TMEM235: variants seen among roughly 807,000 people sequenced by gnomAD.
The protein encoded by TMEM235 is claudin-27.
A neutral mutation model predicts 22.9 loss-of-function variants in TMEM235; 23 were observed. The ratio of observed to expected loss-of-function variants is 1.00; its 90% CI spans 0.72 to 1.42. The LOEUF (loss-of-function observed/expected upper bound fraction) is 1.42. TMEM235 is among the 40% of genes most tolerant of loss of function. The pLI, the probability that TMEM235 is intolerant of heterozygous loss-of-function variation, is 0.00. For synonymous variants in TMEM235, 137 were observed against 140.5 expected (o/e 0.98, Z 0.17); for missense variants, 308 against 299.5 (o/e 1.03, Z -0.21).
chr17:78,239,920 G>A, exon 6 of TMEM235: 1 of 1,551,090 alleles, frequency 6.4e-7, no homozygotes, highest in South Asian at 1.2e-5. Flanking sequence ...AGAAGAGGCT[G>A]ATGAGAGGGC....
At chr17:78,232,004 C>G in exon 2 of TMEM235, 4 of 1,255,836 alleles carry the variant, frequency 3.2e-6, no homozygotes, top group Non-Finnish European at 4.0e-6. Flanking sequence ...CCGACCCGTC[C>G]CCTCCCGCCG....
At chr17:78,236,025 C>T (rs976674778) in intron 4 of TMEM235, among the ~76,000 whole-genome samples, 7 of 152,226 alleles carry the variant, frequency 4.6e-5, no homozygotes, top group African/African-American at 1.7e-4. Flanking sequence ...TCATCTCCCA[C>T]CAGGCGCCCC....
chr17:78,239,065 T>C (rs992265541), exon 5 of TMEM235: 12 of 1,544,292 alleles, frequency 7.8e-6, no homozygotes, highest in East Asian at 2.4e-5. Context: ...CATCAGCTAC[T>C]CGCACCTGGC....
chr17:78,233,682 C>T (rs558787261), intron 2 of TMEM235, among the ~76,000 whole-genome samples: 1 of 147,208 alleles, frequency 6.8e-6, no homozygotes, highest in Admixed American at 6.9e-5. Context: ...GGTGACAGAG[C>T]GAGACTCCAT....
At position 78,237,068 on chromosome 17, in the gene TMEM235, C is replaced by T. The variant is rs112483855; in HGVS notation, c.410-1956C>T. Among the ~76,000 whole-genome samples, 13,088 of 152,226 alleles carry T rather than the reference C, an allele frequency of 0.086. 821 individuals are homozygous for T. Among genetic ancestry groups the T allele is most frequent in the Middle Eastern group, 0.2 (58 of 294 alleles). On this transcript the variant is annotated intron_variant, in intron 4 of 5. Transcript: ENST00000421688. The surrounding 1 kb of genome is among the most constrained non-coding windows in gnomAD (Gnocchi z 4.7). Reference sequence around the variant, plus strand: ...TCTGCATTGTGCCTGGGAGCGAAGGCACCGGCTAGGGGGTGGAGGGGCCGG... The same window carrying T: ...TCTGCATTGTGCCTGGGAGCGAAGGTACCGGCTAGGGGGTGGAGGGGCCGG...
chr17:78,234,164 T>A (rs911160931), intron 3 of TMEM235, 189 bp downstream of exon 2: 2 of 704,620 alleles, frequency 2.8e-6, no homozygotes, highest in African/African-American at 3.5e-5. Flanking sequence ...TCCCAGCCTA[T>A]CCTGTTTTCC....
At position 78,231,619 on chromosome 17, in the gene TMEM235, C is replaced by T; in HGVS notation, c.-405C>T. 7.7e-7 allele frequency: 1 copy of T among 1,303,844 alleles called. No individual in the cohort carries two copies. Among genetic ancestry groups the T allele is most frequent in the South Asian group, 1.2e-5 (1 of 80,888 alleles). The allele number at this position is 1,303,844 out of a possible 1,614,324, so 80.8% of individuals were successfully genotyped here. A position where few individuals can be genotyped will look rare whatever the true frequency, so the allele number is the denominator to read the frequency against. ...TGGGGTCGGTCTCTGGCCGATCCTC[C>T]CTCCTCCTCTCAAGCCCTGCACAGC... On this transcript the variant is annotated 5_prime_UTR_variant, in exon 2 of 6. Transcript: ENST00000421688.
At chr17:78,234,456 G>A in intron 3 of TMEM235, 137 bp from the exon 3 acceptor site, 3 of 1,275,442 alleles carry the variant, frequency 2.4e-6, no homozygotes, top group Non-Finnish European at 3.3e-6. Context: ...CCACTGGGAG[G>A]GTCCAGTGGT....
At position 78,236,378 on chromosome 17, in the gene TMEM235, C is replaced by A. The variant is rs78959294; in HGVS notation, c.409+1648C>A. ...AGACAGGGCACCAGAGGCCTCAGCTCTGACCCCAGCACAGGCTGAGACTGT... is the reference window on the plus strand; with the variant it reads ...AGACAGGGCACCAGAGGCCTCAGCTATGACCCCAGCACAGGCTGAGACTGT... On this transcript the variant is annotated intron_variant, in intron 4 of 5. Coordinates refer to ENST00000421688, the Ensembl canonical transcript of TMEM235. Among the ~76,000 whole-genome samples, 1,057 of 152,352 alleles carry A rather than the reference C, an allele frequency of 6.9e-3. 17 individuals carry two copies. Among genetic ancestry groups the A allele is most frequent in the African/African-American group, 0.024 (1,008 of 41,592 alleles).
chr17:78,236,665 T>C (rs553736343), intron 4 of TMEM235, among the ~76,000 whole-genome samples: 1 of 152,184 alleles, frequency 6.6e-6, no homozygotes, highest in Non-Finnish European at 1.5e-5. Context: ...GCCGCCCCTG[T>C]CAATCAAGGC....
intron 4 of TMEM235, among the ~76,000 whole-genome samples, chr17:78,236,871 A>G (rs540833264): frequency 6.6e-6 from 1 of 150,590 alleles, no homozygotes; most frequent in Non-Finnish European, 1.5e-5. Flanking sequence ...TGAGAACAAC[A>G]GTGAAGTCAA....
rs377471939 is a variant in TMEM235 at position 78,239,307 on chromosome 17, C to T, written c.659+34C>T. On this transcript the variant is annotated intron_variant, in intron 5 of 5. Transcript: ENST00000421688. The stretch of plus-strand genomic sequence containing the variant: ...GGGCTGGGTTTCCCTTTGCACCTCC[C>T]GGGATTGGGCGGTCAGGGCCAGGGC... The T allele has an allele frequency of 1.1e-3, 1,728 of 1,521,928 alleles. 33 individuals carry two copies. In the South Asian group the frequency reaches 0.019, roughly 17 times the overall value. 94.3% of individuals were successfully genotyped at this position (1,521,928 alleles called of 1,614,324 possible).
At position 78,238,780 on chromosome 17, in the gene TMEM235, C is replaced by G. The variant is rs915782887; in HGVS notation, c.410-244C>G. Among the ~76,000 whole-genome samples the G allele has an allele frequency of 2.0e-5, 3 of 151,970 alleles. No homozygotes were observed. Among genetic ancestry groups the G allele is most frequent in the African/African-American group, 7.3e-5 (3 of 41,336 alleles). On this transcript the variant is annotated intron_variant, in intron 4 of 5. Transcript: ENST00000421688. This position sits in a 1 kb window ranked among gnomAD's most constrained non-coding sequence, Gnocchi z 4.3. ...TGAATTGGAGCCTCTTAAAGCTCCA[C>G]TCCGCCAAATGCAGTTGACTACCTT...
chr17:78,240,303 C>A (rs1267775203), exon 6 of TMEM235: 5 of 251,068 alleles, frequency 2.0e-5, no homozygotes, highest in Non-Finnish European at 4.0e-5. Flanking sequence ...CCACAGGGGC[C>A]AGGGCTGCCT....
intron 3 of TMEM235, 54 bp downstream of exon 2, chr17:78,234,029 A>T (rs1268811546): frequency 7.0e-7 from 1 of 1,429,832 alleles, no homozygotes; most frequent in Non-Finnish European, 9.3e-7. Context: ...CAGGCAAGGC[A>T]GATCCCAGCC....
exon 2 of TMEM235, chr17:78,232,082 C>T (rs1332488632): frequency 6.8e-7 from 1 of 1,462,040 alleles, no homozygotes; most frequent in Admixed American, 2.4e-5. Context: ...CTCAGCTTCG[C>T]GCTCCTGGCC....
intron 4 of TMEM235, among the ~76,000 whole-genome samples, chr17:78,236,327 G>A (rs2076643290): frequency 6.6e-6 from 1 of 152,216 alleles, no homozygotes; most frequent in Non-Finnish European, 1.5e-5. Flanking sequence ...GCACAGATGA[G>A]GCAGGGCCAG....
In TMEM235 at chr17:78,232,959, A is replaced by C. The variant is rs556966374; in HGVS notation, c.190+746A>C. Among the ~76,000 whole-genome samples the C allele has an allele frequency of 8.5e-5, 13 of 152,122 alleles. No individual in the cohort carries two copies. The South Asian group carries it at 2.3e-3, about 27-fold the overall frequency. On this transcript the variant is annotated intron_variant, in intron 2 of 5. Transcript: ENST00000421688. ...TGCATGTGAATATGAGTGTGTGAGC[A>C]TGTCAGTGTGCATGTGTGTGCATGT...
chr17:78,232,233 G>A lies in TMEM235; in HGVS notation c.190+20G>A. On this transcript the variant is annotated intron_variant, in intron 2 of 5. Transcript: ENST00000421688. ...GCGAAGGTAACCGGCCACCGCGCCG[G>A]CCCTCCTCCCTCCGCGACCTCGTCC... 1 of 1,435,622 alleles carries A rather than the reference G, an allele frequency of 7.0e-7. No homozygotes were observed. Among genetic ancestry groups the A allele is most frequent in the Non-Finnish European group, 9.1e-7 (1 of 1,098,854 alleles). 88.9% of individuals were successfully genotyped at this position (1,435,622 alleles called of 1,614,324 possible). A position where few individuals can be genotyped will look rare whatever the true frequency, so the allele number is the denominator to read the frequency against.
Sources: gnomAD v4.1 joint callset for allele counts (sites outside exome capture counted in the v4.1 genomes callset) on GRCh38, gnomAD v4.1.1 for gene constraint, Gnocchi (gnomAD v3.1) non-coding constraint, MANE v1.5 for transcripts, NCBI Gene and HGNC (gene_info 2026-07-23, HGNC 2026-07-21) for gene names.